TPRG1: variants seen among roughly 807,000 people sequenced by gnomAD.
TPRG1 encodes tumor protein p63 regulated 1, also known as tumor protein p63-regulated gene 1 protein.
TPRG1 carries 29 observed loss-of-function variants against 29.3 expected under a neutral mutation model. The ratio of observed to expected loss-of-function variants is 0.99; its 90% confidence interval spans 0.74 to 1.35. TPRG1 has a LOEUF of 1.35. TPRG1 is among the 40% of genes most tolerant of loss of function. The pLI is 0.00. For synonymous variants in TPRG1, 130 were observed against 116.8 expected, an observed-to-expected ratio of 1.11 and a Z score of -0.73; for missense variants, 327 against 335.0, an observed-to-expected ratio of 0.98 and a Z score of 0.19.
rs1279276642 is a variant in TPRG1 at position 189,032,729 on chromosome 3, T to C, written c.-463+8783T>C. 1.3e-4 allele frequency among the ~76,000 whole-genome samples: 19 copies of C among 147,622 alleles called. No homozygotes were observed. The East Asian group carries it at 3.3e-3, about 25-fold the overall frequency. On this transcript the variant is annotated intron_variant, in intron 4 of 10. Transcript: ENST00000433971. The stretch of plus-strand genomic sequence containing the variant: ...GTCATTTAGCATTAGGTGTATCTCC[T>C]AATGCTATCCCTCCCCCCTCCCCCC...
intron 1 of TPRG1, among the ~76,000 whole-genome samples, chr3:189,103,516 C>T (rs1220805958): frequency 6.6e-6 from 1 of 152,148 alleles, no homozygotes; most frequent in East Asian, 1.9e-4. Flanking sequence ...CACGGACAAT[C>T]ATTCCATGTG....
chr3:189,110,453 A>G (rs1199834774), intron 1 of TPRG1, among the ~76,000 whole-genome samples: 1 of 152,102 alleles, frequency 6.6e-6, no homozygotes, highest in East Asian at 1.9e-4. Context: ...GTCCATATCA[A>G]ACATATCATT....
chr3:189,190,953 T>C, intron 1 of TPRG1: 6 of 985,350 alleles, frequency 6.1e-6, no homozygotes, highest in Non-Finnish European at 7.2e-6. Flanking sequence ...TTGAGATAAA[T>C]ATTCACAGAA....
intron 2 of TPRG1, among the ~76,000 whole-genome samples, chr3:189,128,985 GAAAAAC>G (rs1560469972): frequency 1.3e-5 from 2 of 151,894 alleles, no homozygotes; most frequent in Admixed American, 6.6e-5. Flanking sequence ...TTAGACTCAG[GAAAAAC>G]AAAAACAAAA....
chr3:189,173,281 G>T (rs1258327257), intron 1 of TPRG1, among the ~76,000 whole-genome samples: 1 of 151,240 alleles, frequency 6.6e-6, no homozygotes, highest in East Asian at 1.9e-4. Flanking sequence ...AATGCATTGG[G>T]TTGTAATGCT....
chr3:188,997,463 T>C (rs912421923), intron 1 of TPRG1, among the ~76,000 whole-genome samples: 33 of 152,190 alleles, frequency 2.2e-4, no homozygotes, highest in Admixed American at 2.2e-3. Flanking sequence ...AGGAAAGCTA[T>C]AGGAAAATGT....
At chr3:189,065,733 C>T (rs921284079) in intron 4 of TPRG1, among the ~76,000 whole-genome samples, 1 of 152,050 alleles carries the variant, frequency 6.6e-6, no homozygotes, top group Non-Finnish European at 1.5e-5. Flanking sequence ...TAAATGCTTT[C>T]CTCCTAAGTC....
At chr3:189,279,379 C>G (rs543136414) in intron 4 of TPRG1, among the ~76,000 whole-genome samples, 1 of 152,244 alleles carries the variant, frequency 6.6e-6, no homozygotes, top group Non-Finnish European at 1.5e-5. Flanking sequence ...GGAATGTTCT[C>G]TAATATACGT....
intron 1 of TPRG1, among the ~76,000 whole-genome samples, chr3:189,176,892 C>T (rs922589630): frequency 6.6e-6 from 1 of 152,188 alleles, no homozygotes; most frequent in African/African-American, 2.4e-5. Flanking sequence ...ACAATAAGGG[C>T]TTTGACTTTC....
At chr3:189,219,444 T>C (rs1736594987) in intron 3 of TPRG1, 1 of 432,218 alleles carries the variant, frequency 2.3e-6, no homozygotes, top group Admixed American at 4.2e-5. Context: ...AGGACTGTTA[T>C]ATACATCTAT....
intron 4 of TPRG1, among the ~76,000 whole-genome samples, chr3:189,056,807 G>T (rs573336899): frequency 6.6e-6 from 1 of 152,112 alleles, no homozygotes; most frequent in Non-Finnish European, 1.5e-5. Context: ...TTTTACTCTT[G>T]TTCACACCTA....
intron 4 of TPRG1, among the ~76,000 whole-genome samples, chr3:189,072,266 G>A (rs1164438245): frequency 1.3e-5 from 2 of 152,070 alleles, no homozygotes; most frequent in African/African-American, 4.8e-5. Flanking sequence ...CCCATAGTAT[G>A]CTTTATGACT....
intron 4 of TPRG1, among the ~76,000 whole-genome samples, chr3:189,057,292 T>C (rs1221137610): frequency 1.3e-5 from 2 of 152,220 alleles, no homozygotes; most frequent in African/African-American, 4.8e-5. Context: ...ATTGGTACAC[T>C]ATTTCTTCAG....
chr3:189,073,473 T>C (rs1716927354), intron 4 of TPRG1, among the ~76,000 whole-genome samples: 1 of 152,234 alleles, frequency 6.6e-6, no homozygotes, highest in African/African-American at 2.4e-5. Context: ...ATAGATAAAG[T>C]AGAGAACTAA....
chr3:189,272,978 T>G (rs1206656619), intron 4 of TPRG1, among the ~76,000 whole-genome samples: 1 of 152,142 alleles, frequency 6.6e-6, no homozygotes, highest in Non-Finnish European at 1.5e-5. Context: ...GCAGGCATTT[T>G]CTCTCCAGTG....
chr3:189,105,199 A>G (rs1719673740), intron 1 of TPRG1, among the ~76,000 whole-genome samples: 1 of 152,080 alleles, frequency 6.6e-6, no homozygotes, highest in Non-Finnish European at 1.5e-5. Context: ...ATGAGACTTG[A>G]TTTTACTGAG....
chr3:189,241,557 T>G (rs1740598337), intron 4 of TPRG1, among the ~76,000 whole-genome samples: 1 of 152,100 alleles, frequency 6.6e-6, no homozygotes, highest in South Asian at 2.1e-4. Flanking sequence ...TCATATCTCT[T>G]TTAACATTAT....
upstream of TPRG1, among the ~76,000 whole-genome samples, chr3:189,167,616 C>T (rs1728316686): frequency 6.6e-6 from 1 of 152,156 alleles, no homozygotes; most frequent in South Asian, 2.1e-4. Flanking sequence ...GCACAAGGCC[C>T]TTCTACCTGC....
intron 3 of TPRG1, among the ~76,000 whole-genome samples, chr3:189,221,236 G>T (rs1322712255): frequency 6.6e-6 from 1 of 152,142 alleles, no homozygotes; most frequent in Non-Finnish European, 1.5e-5. Context: ...TCTTCATTTA[G>T]ATTAATCTTC....
Sources: gnomAD v4.1 joint callset for allele counts (sites outside exome capture counted in the v4.1 genomes callset) on GRCh38, gnomAD v4.1.1 for gene constraint, MANE v1.5 for transcripts, NCBI Gene and HGNC (gene_info 2026-07-23, HGNC 2026-07-21) for gene names.